RNF13: variants seen among roughly 807,000 people sequenced by gnomAD.
The protein encoded by RNF13 is E3 ubiquitin-protein ligase RNF13.
A neutral mutation model predicts 37.7 loss-of-function variants in RNF13; 19 were observed. That is an observed-to-expected ratio of 0.50 (90% CI 0.35 to 0.74). RNF13 has a LOEUF of 0.74. Among genes scored for constraint, RNF13 ranks in the 30% least tolerant of loss-of-function variants. The pLI is 0.01. For missense variants in RNF13, 375 were observed against 453.0 expected, an observed-to-expected ratio of 0.83 and a Z score of 1.56; for synonymous variants, 144 against 157.8, an observed-to-expected ratio of 0.91 and a Z score of 0.65.
At chr3:149,905,026 C>A (rs546252404) in intron 6 of RNF13, among the ~76,000 whole-genome samples, 1 of 152,082 alleles carries the variant, frequency 6.6e-6, no homozygotes, top group African/African-American at 2.4e-5. Flanking sequence ...GAATCGGTTA[C>A]GTTATTTTGT....
Position 149,962,105 on chromosome 3 carries a change from TAATA to T in RNF13, c.*1004_*1007del, listed in dbSNP as rs1283975549. The stretch of plus-strand genomic sequence containing the variant: ...CCTTGTATGAGGGGAGTTTGAATGT[TAATA>T]AACATGTTTTCCACTTTAAGATCCA... On this transcript the variant is annotated 3_prime_UTR_variant, in exon 10 of 10. Transcript: ENST00000392894. The T allele has an allele frequency of 1.3e-5, 2 of 152,648 alleles. No individual in the cohort carries two copies. Among genetic ancestry groups the T allele is most frequent in the African/African-American group, 4.8e-5 (2 of 41,460 alleles). The allele number at this position is 152,648 out of a possible 1,614,324, so 9.5% of individuals were successfully genotyped here.
chr3:149,860,704 GGCAAAGATTTTACA>G (rs1724172854), intron 3 of RNF13, among the ~76,000 whole-genome samples: 1 of 152,060 alleles, frequency 6.6e-6, no homozygotes, highest in Non-Finnish European at 1.5e-5. Context: ...CATTGAACTA[GGCAAAGATTTTACA>G]GCTAAAATCA....
At chr3:149,937,401 C>A (rs888991433) in intron 8 of RNF13, among the ~76,000 whole-genome samples, 1 of 152,094 alleles carries the variant, frequency 6.6e-6, no homozygotes, top group African/African-American at 2.4e-5. Context: ...AGTCGAGGGG[C>A]ATCATGGATA....
At position 149,936,442 on chromosome 3, in the gene RNF13, T is replaced by C. The variant is rs115932298; in HGVS notation, c.700+15215T>C. Among the ~76,000 whole-genome samples the C allele has an allele frequency of 7.3e-3, 1,106 of 152,202 alleles. 11 individuals are homozygous for C. Among genetic ancestry groups the C allele is most frequent in the African/African-American group, 0.026 (1,077 of 41,544 alleles). On this transcript the variant is annotated intron_variant, in intron 8 of 9. Coordinates refer to ENST00000392894, the MANE Select transcript of RNF13 (RefSeq NM_183381.3). Reference sequence around the variant, plus strand: ...TTTTTACTCTCCTATGTCTCCTCTCTTTATATATTTTCAAATTGTCTTTGA... The same window carrying C: ...TTTTTACTCTCCTATGTCTCCTCTCCTTATATATTTTCAAATTGTCTTTGA...
intron 2 of RNF13, among the ~76,000 whole-genome samples, chr3:149,848,110 A>G (rs748693509): frequency 3.9e-5 from 6 of 152,190 alleles, no homozygotes; most frequent in Non-Finnish European, 8.8e-5. Context: ...TATGGTTTTA[A>G]TCTTCATTAT....
At chr3:149,848,058 A>T (rs1188327207) in intron 2 of RNF13, among the ~76,000 whole-genome samples, 1 of 152,184 alleles carries the variant, frequency 6.6e-6, no homozygotes, top group Non-Finnish European at 1.5e-5. Context: ...AAATAAGATA[A>T]ACTGCTTAGA....
chr3:149,947,209 G>A (rs1402936093), intron 8 of RNF13, among the ~76,000 whole-genome samples: 1 of 151,928 alleles, frequency 6.6e-6, no homozygotes, highest in African/African-American at 2.4e-5. Flanking sequence ...AATATTACAT[G>A]TGCGTTTGAG....
At chr3:149,888,155 T>A (rs1714260879) in intron 4 of RNF13, among the ~76,000 whole-genome samples, 1 of 152,212 alleles carries the variant, frequency 6.6e-6, no homozygotes, top group African/African-American at 2.4e-5. Context: ...ACTTCTATTC[T>A]TATTAGTTTA....
intron 6 of RNF13, among the ~76,000 whole-genome samples, chr3:149,904,090 C>G (rs777364958): frequency 7.9e-5 from 12 of 152,030 alleles, no homozygotes; most frequent in Non-Finnish European, 2.9e-5. Context: ...GTGGGCAGAA[C>G]TAGGAAATAT....
chr3:149,955,818 G>C (rs544190318), intron 8 of RNF13, among the ~76,000 whole-genome samples: 1 of 152,040 alleles, frequency 6.6e-6, no homozygotes, highest in African/African-American at 2.4e-5. Flanking sequence ...CTTGATACCC[G>C]AACTAGTTTG....
intron 3 of RNF13, among the ~76,000 whole-genome samples, chr3:149,853,459 A>AGG (rs1553754702): frequency 1.0e-4 from 3 of 28,716 alleles, no homozygotes; most frequent in Non-Finnish European, 3.5e-4. Flanking sequence ...AGAGAGGGAG[A>AGG]GAGAGAGAGA....
chr3:149,852,368 G>A (rs1576763885), intron 2 of RNF13, 148 bp from the exon 3 acceptor site: 3 of 414,496 alleles, frequency 7.2e-6, no homozygotes, highest in East Asian at 8.0e-5. Flanking sequence ...TTTAGTGGAT[G>A]TACATTTACA....
chr3:149,871,986 A>AT, intron 3 of RNF13, 43 bp from the exon 4 acceptor site: 1 of 1,519,578 alleles, frequency 6.6e-7, no homozygotes, highest in Non-Finnish European at 8.9e-7. Context: ...TGATTGATTT[A>AT]CTGAGTGAAA....
At chr3:149,867,359 G>A (rs554977231) in intron 3 of RNF13, among the ~76,000 whole-genome samples, 13 of 151,440 alleles carry the variant, frequency 8.6e-5, no homozygotes, top group South Asian at 2.1e-4. Flanking sequence ...TCCGCCTCCC[G>A]GGTTCACACC....
chr3:149,920,893 G>A (rs182840962), intron 7 of RNF13, among the ~76,000 whole-genome samples: 38 of 147,690 alleles, frequency 2.6e-4, no homozygotes, highest in African/African-American at 8.2e-4. Context: ...TAATGTCTCC[G>A]TAGGTAATTC....
intron 3 of RNF13, among the ~76,000 whole-genome samples, chr3:149,859,646 A>T (rs903869844): frequency 6.6e-6 from 1 of 152,070 alleles, no homozygotes; most frequent in African/African-American, 2.4e-5. Flanking sequence ...TCTCAGTTCA[A>T]TATAGCTAAT....
chr3:149,938,352 A>G (rs940295141), intron 8 of RNF13, among the ~76,000 whole-genome samples: 1 of 150,946 alleles, frequency 6.6e-6, no homozygotes, highest in African/African-American at 2.4e-5. Flanking sequence ...TAATTTTTGT[A>G]TTTTTTAGTA....
At chr3:149,912,186 C>A in intron 7 of RNF13, 103 bp downstream of exon 7, 2 of 553,840 alleles carry the variant, frequency 3.6e-6, no homozygotes, top group Non-Finnish European at 3.2e-6. Flanking sequence ...TAAAAGAGTA[C>A]ATATTATATA....
In RNF13 at chr3:149,826,474, A is replaced by G. The variant is rs563431350; in HGVS notation, c.-17+13121A>G. ...TCATTTCATCTCCTCCAAATTATGA[A>G]TAAACTTGTGAATTAAAAGACTTGT... On this transcript the variant is annotated intron_variant, in intron 1 of 9. Transcript: ENST00000392894. Among the ~76,000 whole-genome samples, 10 of 152,342 alleles carry G rather than the reference A, an allele frequency of 6.6e-5. No individual in the cohort carries two copies. The South Asian group carries it at 1.9e-3, about 28-fold the overall frequency.
Sources: gnomAD v4.1 joint callset for allele counts (sites outside exome capture counted in the v4.1 genomes callset) on GRCh38, gnomAD v4.1.1 for gene constraint, MANE v1.5 for transcripts, NCBI Gene and HGNC (gene_info 2026-07-23, HGNC 2026-07-21) for gene names.